Variants in DZANK1 observed in about 807,000 individuals in gnomAD.
DZANK1 encodes the protein double zinc ribbon and ankyrin repeat domains 1, also known as double zinc ribbon and ankyrin repeat-containing protein 1.
DZANK1 carries 91 observed loss-of-function variants against 94.5 expected under a neutral mutation model. The observed-to-expected ratio is 0.96, with a 90% CI of 0.81 to 1.15. The LOEUF (loss-of-function observed/expected upper bound fraction) is 1.15, where lower values mean the gene tolerates loss of function less well. Among genes scored for constraint, DZANK1 ranks in the 50% most tolerant of loss-of-function variants. The pLI is 0.00. For synonymous variants in DZANK1, 312 were observed against 325.3 expected, an observed-to-expected ratio of 0.96 and a Z score of 0.44; for missense variants, 903 against 916.4, an observed-to-expected ratio of 0.99 and a Z score of 0.19.
chr20:18,384,978 G>A, intron 20 of DZANK1, 38 bp downstream of exon 20: 1 of 1,528,038 alleles, frequency 6.5e-7, no homozygotes, highest in Non-Finnish European at 8.9e-7. Flanking sequence ...AGATCCCTGT[G>A]GCCCTCAAAA....
chr20:18,395,121 G>C (rs2056263544), intron 15 of DZANK1, among the ~76,000 whole-genome samples: 1 of 152,174 alleles, frequency 6.6e-6, no homozygotes. Flanking sequence ...CAGCACTTTG[G>C]GAGGCTGAGG....
At chr20:18,389,036 A>C (rs78689803) in intron 19 of DZANK1, among the ~76,000 whole-genome samples, 4,118 of 152,286 alleles carry the variant, frequency 0.027, 89 homozygotes, top group African/African-American at 0.057. Flanking sequence ...AAGATATGAG[A>C]AGTTAACATG....
chr20:18,428,167 AAG>A lies in DZANK1; in HGVS notation c.862-1010_862-1009del, dbSNP rs559994307. Among the ~76,000 whole-genome samples, 380 of 150,786 alleles carry A rather than the reference AAG, an allele frequency of 2.5e-3. 1 individual carries two copies. The highest frequency in any genetic ancestry group is 4.2e-3 in the Non-Finnish European group (285 of 67,706). Reference sequence around the variant, plus strand: ...CTCCGTCTCAAAAAAAAAAAAAAGAAAGAGAGTGGTAAGTACAACTTAATTTT... The same window carrying A: ...CTCCGTCTCAAAAAAAAAAAAAAGAAAGAGTGGTAAGTACAACTTAATTTT... On this transcript the variant is annotated intron_variant, in intron 9 of 20. Coordinates refer to ENST00000262547, the Ensembl canonical transcript of DZANK1.
Position 18,443,357 on chromosome 20 carries a change from TC to T in DZANK1, c.736del (p.Glu246LysfsTer17). On this transcript the variant is annotated frameshift_variant, in exon 8 of 21. Transcript: ENST00000262547. LOFTEE classifies it high-confidence loss of function. The stretch of plus-strand genomic sequence containing the variant: ...AATTCTGCTGCTCACCTGAGCTCCT[TC>T]TGGGGGTGGGAGACGACAGCCAAAT... The T allele has an allele frequency of 6.5e-7, 1 of 1,548,392 alleles. No individual in the cohort carries two copies. Among genetic ancestry groups the T allele is most frequent in the Non-Finnish European group, 8.7e-7 (1 of 1,144,796 alleles).
intron 7 of DZANK1, among the ~76,000 whole-genome samples, chr20:18,446,940 T>G (rs1292682609): frequency 2.0e-5 from 3 of 152,210 alleles, no homozygotes; most frequent in Non-Finnish European, 4.4e-5. Context: ...AAAAATTCTT[T>G]AAAACCTTTT....
At chr20:18,418,423 T>C (rs1290457983) in intron 10 of DZANK1, among the ~76,000 whole-genome samples, 2 of 152,218 alleles carry the variant, frequency 1.3e-5, no homozygotes, top group African/African-American at 2.4e-5. Flanking sequence ...CAGAATAGGC[T>C]TGAAGCAGTT....
chr20:18,391,054 C>T (rs1328265180), intron 17 of DZANK1, among the ~76,000 whole-genome samples: 3 of 152,000 alleles, frequency 2.0e-5, no homozygotes, highest in Non-Finnish European at 2.9e-5. Flanking sequence ...AAATTAGCCA[C>T]GTGTTAGCTG....
chr20:18,423,551 G>A (rs1198842656), intron 10 of DZANK1, among the ~76,000 whole-genome samples: 1 of 152,134 alleles, frequency 6.6e-6, no homozygotes, highest in African/African-American at 2.4e-5. Flanking sequence ...CACCTGATAT[G>A]TTTTCCAAGT....
chr20:18,425,250 C>T (rs2057985114), intron 10 of DZANK1, among the ~76,000 whole-genome samples: 4 of 152,198 alleles, frequency 2.6e-5, no homozygotes, highest in South Asian at 4.1e-4. Flanking sequence ...CGTGATTAGA[C>T]GACATTAAAA....
At chr20:18,422,512 G>A (rs1222040788) in intron 10 of DZANK1, among the ~76,000 whole-genome samples, 2 of 152,096 alleles carry the variant, frequency 1.3e-5, no homozygotes, top group Non-Finnish European at 2.9e-5. Flanking sequence ...CTATGTGATG[G>A]GTCACAGTTG....
At chr20:18,390,801 A>G (rs1402899740) in intron 17 of DZANK1, among the ~76,000 whole-genome samples, 2 of 152,202 alleles carry the variant, frequency 1.3e-5, no homozygotes, top group Non-Finnish European at 2.9e-5. Flanking sequence ...CCTAAAATTT[A>G]TTTTGCATAC....
rs989052564 is a variant in DZANK1, at chr20:18,443,009, C to T, written c.747+338G>A. Among the ~76,000 whole-genome samples the T allele has an allele frequency of 2.0e-5, 3 of 152,094 alleles. No homozygotes were observed. In the South Asian group the frequency reaches 6.2e-4, roughly 31 times the overall value. ...TAGAGACATAAAGTAATTGGTAGTT[C>T]TCTTTATTTATTTCTAGAATATATT... On this transcript the variant is annotated intron_variant, in intron 8 of 20. Transcript: ENST00000262547.
chr20:18,384,801 T>A (rs1395007191), intron 20 of DZANK1, among the ~76,000 whole-genome samples: 2 of 152,154 alleles, frequency 1.3e-5, no homozygotes, highest in African/African-American at 2.4e-5. Flanking sequence ...TTGGTTCCCA[T>A]TGCATTAAAG....
At chr20:18,406,068 C>T (rs1271191446) in intron 13 of DZANK1, among the ~76,000 whole-genome samples, 1 of 152,222 alleles carries the variant, frequency 6.6e-6, no homozygotes, top group African/African-American at 2.4e-5. Flanking sequence ...CAAGCCTCGC[C>T]ACTGGTGGCC....
At chr20:18,422,755 T>C (rs1017383025) in intron 10 of DZANK1, among the ~76,000 whole-genome samples, 1 of 151,394 alleles carries the variant, frequency 6.6e-6, no homozygotes, top group Non-Finnish European at 1.5e-5. Flanking sequence ...TCAGCCTGTA[T>C]AGCTTTATAG....
intron 9 of DZANK1, chr20:18,432,969 T>C (rs1252775543): frequency 6.6e-6 from 1 of 152,218 alleles, no homozygotes; most frequent in South Asian, 2.1e-4. Context: ...TTTTTCTCCA[T>C]AACAAGAACC....
rs551168647 is a variant in DZANK1 at position 18,448,128 on chromosome 20, T to C, written c.629+856A>G. On this transcript the variant is annotated intron_variant, in intron 7 of 20. Coordinates refer to ENST00000262547, the Ensembl canonical transcript of DZANK1. ...ATCTGTAATAGCCCAAAATTGGATA[T>C]AACACAAATTCCCATCAATAAGTGA... Among the ~76,000 whole-genome samples, 11 of 152,332 alleles carry C rather than the reference T, an allele frequency of 7.2e-5. No individual in the cohort carries two copies. The East Asian group carries it at 2.1e-3, about 29-fold the overall frequency.
chr20:18,387,225 T>A (rs941618830), intron 19 of DZANK1, among the ~76,000 whole-genome samples: 1 of 152,130 alleles, frequency 6.6e-6, no homozygotes, highest in Admixed American at 6.6e-5. Context: ...TCTCCCCATA[T>A]TGAGAGCAGA....
At chr20:18,384,563 A>C in exon 21 of DZANK1, 1 of 1,599,490 alleles carries the variant, frequency 6.3e-7, no homozygotes, top group Non-Finnish European at 8.5e-7. Flanking sequence ...CTTGCATTGC[A>C]TCTGCAAAGG....
Sources: gnomAD v4.1 joint callset for allele counts (sites outside exome capture counted in the v4.1 genomes callset) on GRCh38, gnomAD v4.1.1 for gene constraint, MANE v1.5 for transcripts, NCBI Gene and HGNC (gene_info 2026-07-23, HGNC 2026-07-21) for gene names.